Variants in ARHGEF28 observed in about 807,000 individuals in gnomAD.
ARHGEF28 encodes the protein Rho guanine nucleotide exchange factor 28, also known as 190 kDa guanine nucleotide exchange factor.
In ARHGEF28, 152 loss-of-function variants were observed where a neutral mutation model predicts 206.6. The observed-to-expected ratio is 0.74, with a 90% CI of 0.64 to 0.84. The LOEUF (loss-of-function observed/expected upper bound fraction) is 0.84. Among genes scored for constraint, ARHGEF28 ranks in the 40% least tolerant of loss-of-function variants. The pLI is 0.00. For synonymous variants in ARHGEF28, 763 were observed against 776.4 expected (o/e 0.98, Z 0.29); for missense variants, 2,028 against 2,073.2 (o/e 0.98, Z 0.42).
intron 35 of ARHGEF28, among the ~76,000 whole-genome samples, chr5:73,935,702 G>A (rs559020273): frequency 3.9e-5 from 6 of 152,150 alleles, no homozygotes; most frequent in South Asian, 4.2e-4. Flanking sequence ...AAAGCCCCCC[G>A]CCTTTTTTTA....
At chr5:73,670,160 C>T (rs1007183765) in intron 1 of ARHGEF28, among the ~76,000 whole-genome samples, 9 of 152,212 alleles carry the variant, frequency 5.9e-5, no homozygotes, top group African/African-American at 2.2e-4. Flanking sequence ...AGTGTGGTGT[C>T]TAACCTTTGG....
At chr5:73,864,544 A>G (rs773084531) in intron 16 of ARHGEF28, among the ~76,000 whole-genome samples, 10 of 152,226 alleles carry the variant, frequency 6.6e-5, no homozygotes, top group Non-Finnish European at 1.3e-4. Context: ...GCAGAAGTGT[A>G]TATCATTCAT....
intron 25 of ARHGEF28, 81 bp downstream of exon 25, chr5:73,886,185 A>C: frequency 6.7e-7 from 1 of 1,497,986 alleles, no homozygotes; most frequent in Non-Finnish European, 8.9e-7. Context: ...AAAGAAAAAC[A>C]GTTCAGAATT....
chr5:73,868,030 A>T lies in ARHGEF28; in HGVS notation c.2297+10A>T. The T allele has an allele frequency of 1.2e-6, 2 of 1,613,754 alleles. No individual in the cohort carries two copies. The highest frequency in any genetic ancestry group is 1.7e-6 in the Non-Finnish European group (2 of 1,179,788). Reference sequence around the variant, plus strand: ...GCACCACCTTGGAAAGGTAAGGCTGAGTGTGTTTTTACATATTAATGGCTC... The same window carrying T: ...GCACCACCTTGGAAAGGTAAGGCTGTGTGTGTTTTTACATATTAATGGCTC... On this transcript the variant is annotated intron_variant, in intron 19 of 35. Coordinates refer to ENST00000513042, the MANE Select transcript of ARHGEF28 (RefSeq NM_001177693.2).
intron 9 of ARHGEF28, chr5:73,803,527 T>C (rs2973542): frequency 1 from 160,095 of 160,138 alleles, 80,027 homozygotes; most frequent in Middle Eastern, 1. Context: ...GTGACACCAA[T>C]GTTCTTCTGC....
chr5:73,769,229 G>A (rs1021371696), intron 4 of ARHGEF28, among the ~76,000 whole-genome samples: 2 of 152,120 alleles, frequency 1.3e-5, no homozygotes, highest in Non-Finnish European at 2.9e-5. Context: ...GAGAGGCAGA[G>A]GGAGACAGAG....
At chr5:73,765,891 G>A (rs995618443) in intron 4 of ARHGEF28, among the ~76,000 whole-genome samples, 11 of 152,144 alleles carry the variant, frequency 7.2e-5, no homozygotes, top group South Asian at 2.1e-4. Flanking sequence ...GGTGGCTCAC[G>A]CCTGTAATCC....
intron 4 of ARHGEF28, among the ~76,000 whole-genome samples, chr5:73,770,777 T>C (rs1165042357): frequency 1.3e-5 from 2 of 152,218 alleles, no homozygotes; most frequent in African/African-American, 4.8e-5. Flanking sequence ...TCTTTAAACA[T>C]CAGAAGATTC....
intron 1 of ARHGEF28, among the ~76,000 whole-genome samples, chr5:73,627,720 T>C (rs2544643): frequency 0.19 from 28,476 of 152,208 alleles, 3,211 homozygotes; most frequent in Non-Finnish European, 0.25. Context: ...TATGTGATTA[T>C]TGGGCTGATT....
chr5:73,849,907 G>A (rs1317550666), intron 13 of ARHGEF28, among the ~76,000 whole-genome samples: 1 of 151,784 alleles, frequency 6.6e-6, no homozygotes, highest in Non-Finnish European at 1.5e-5. Flanking sequence ...TGAAATTTTT[G>A]TCAATGTCTT....
At chr5:73,694,258 A>T (rs1748040072) in intron 2 of ARHGEF28, among the ~76,000 whole-genome samples, 1 of 152,222 alleles carries the variant, frequency 6.6e-6, no homozygotes, top group Non-Finnish European at 1.5e-5. Flanking sequence ...ACAACTACAG[A>T]AGACCACAGG....
chr5:73,686,831 T>A (rs1450090940), intron 2 of ARHGEF28, among the ~76,000 whole-genome samples: 1 of 152,046 alleles, frequency 6.6e-6, no homozygotes, highest in African/African-American at 2.4e-5. Context: ...CAAAACCAAG[T>A]GTTTCTAGTT....
rs1036486126 is a variant in ARHGEF28 at position 73,813,611 on chromosome 5, C to A, written c.1024+18220C>A. The A allele has an allele frequency of 2.0e-6, 3 of 1,535,720 alleles. No homozygotes were observed. In the African/African-American group the frequency reaches 4.1e-5, roughly 21 times the overall value. ...AAGATGGATTCTGACTCCGACTCAC[C>A]TTTTAACTACTCGTGGCCTTCCTTT... On this transcript the variant is annotated intron_variant, in intron 9 of 35. Transcript: ENST00000513042.
chr5:73,696,468 A>C (rs56148872), intron 2 of ARHGEF28, among the ~76,000 whole-genome samples: 25,364 of 152,102 alleles, frequency 0.17, 2,633 homozygotes, highest in Non-Finnish European at 0.23. Flanking sequence ...TTTCAGCTCA[A>C]ATGTCACATC....
chr5:73,712,004 A>G (rs1280533405), intron 2 of ARHGEF28, among the ~76,000 whole-genome samples: 2 of 151,762 alleles, frequency 1.3e-5, no homozygotes, highest in East Asian at 3.9e-4. Context: ...TAAATTATGA[A>G]CAAATGTTGA....
chr5:73,894,273 C>A, intron 28 of ARHGEF28, 120 bp from the exon 29 acceptor site: 1 of 1,004,428 alleles, frequency 1.0e-6, no homozygotes, highest in Non-Finnish European at 1.4e-6. Flanking sequence ...ACTCATCAAC[C>A]TGGGTTTTCT....
chr5:73,920,479 G>A (rs1763455685), intron 35 of ARHGEF28, among the ~76,000 whole-genome samples: 1 of 151,250 alleles, frequency 6.6e-6, no homozygotes, highest in South Asian at 2.1e-4. Flanking sequence ...TGCAGAACAT[G>A]CAGGTTTGTT....
intron 1 of ARHGEF28, among the ~76,000 whole-genome samples, chr5:73,658,997 A>ACACG (rs1464244704): frequency 6.6e-6 from 1 of 150,994 alleles, no homozygotes; most frequent in Non-Finnish European, 1.5e-5. Context: ...ACACACACAC[A>ACACG]CACACACACC....
chr5:73,759,868 G>A (rs975624090), intron 4 of ARHGEF28, among the ~76,000 whole-genome samples: 33 of 152,184 alleles, frequency 2.2e-4, no homozygotes, highest in Non-Finnish European at 4.1e-4. Flanking sequence ...CAAGAGAAGG[G>A]AATATGTGGC....
Sources: gnomAD v4.1 joint callset for allele counts (sites outside exome capture counted in the v4.1 genomes callset) on GRCh38, gnomAD v4.1.1 for gene constraint, MANE v1.5 for transcripts, NCBI Gene and HGNC (gene_info 2026-07-23, HGNC 2026-07-21) for gene names.